Variants in EPHX2 observed in about 807,000 individuals in gnomAD.
The protein encoded by EPHX2 is epoxide hydrolase 2.
In EPHX2, 74 loss-of-function variants were observed where a neutral mutation model predicts 78.7. That is an observed-to-expected ratio of 0.94 (90% CI 0.78 to 1.14). EPHX2 has a LOEUF of 1.14. Among genes scored for constraint, EPHX2 ranks in the 50% most tolerant of loss-of-function variants. The probability of loss-of-function intolerance (pLI) is 0.00; values close to 1 mark genes in which losing one functional copy is unlikely to be tolerated. For synonymous variants in EPHX2, 251 were observed against 255.2 expected (o/e 0.98, Z 0.16); for missense variants, 715 against 702.5 (o/e 1.02, Z -0.20).
At chr8:27,544,072 G>T in intron 17 of EPHX2, 114 bp from the exon 18 acceptor site, 1 of 1,254,944 alleles carries the variant, frequency 8.0e-7, no homozygotes, top group South Asian at 1.3e-5. Context: ...TGCAGGGTTT[G>T]GGCAGGGTGG....
chr8:27,522,380 A>G, intron 10 of EPHX2, 43 bp from the exon 11 acceptor site: 1 of 1,603,908 alleles, frequency 6.2e-7, no homozygotes, highest in Non-Finnish European at 8.5e-7. Flanking sequence ...ACCCCGTTCC[A>G]GAAGCCTCCC....
At chr8:27,546,056 GC>G (rs1489104298), downstream of EPHX2, among the ~76,000 whole-genome samples, 2 of 150,654 alleles carry the variant, frequency 1.3e-5, no homozygotes, top group Non-Finnish European at 2.9e-5. Flanking sequence ...CTAAGGCTGA[GC>G]TTTTTCTACA....
chr8:27,527,796 A>G (rs960556486), intron 12 of EPHX2, among the ~76,000 whole-genome samples: 7 of 152,152 alleles, frequency 4.6e-5, no homozygotes, highest in Non-Finnish European at 8.8e-5. Flanking sequence ...TCATCTGTCA[A>G]TGGGTTACAG....
chr8:27,495,186 G>A (rs761547049), intron 1 of EPHX2, among the ~76,000 whole-genome samples: 10 of 152,220 alleles, frequency 6.6e-5, no homozygotes, highest in Non-Finnish European at 1.5e-4. Context: ...TTTCCATATT[G>A]CAGCATTGGG....
intron 3 of EPHX2, among the ~76,000 whole-genome samples, chr8:27,504,049 C>T (rs1813903442): frequency 6.6e-6 from 1 of 152,196 alleles, no homozygotes; most frequent in Non-Finnish European, 1.5e-5. Flanking sequence ...ACCCAAATGA[C>T]ATGATCTTTT....
In EPHX2 at chr8:27,525,354, T is replaced by A; in HGVS notation, c.1059-8T>A. ...GGGGCTATGTCTTGCTGCCTCTTAT[T>A]TCTGTAGGGCGGTGGCCAGTTTGAA... On this transcript the variant is annotated splice_polypyrimidine_tract_variant and splice_region_variant and intron_variant, in intron 11 of 18. Coordinates refer to ENST00000521400, the MANE Select transcript of EPHX2 (RefSeq NM_001979.6). 6.2e-7 allele frequency: 1 copy of A among 1,613,630 alleles called. No individual in the cohort carries two copies. Among genetic ancestry groups the A allele is most frequent in the Non-Finnish European group, 8.5e-7 (1 of 1,179,572 alleles).
intron 12 of EPHX2, 49 bp downstream of exon 12, chr8:27,525,522 C>A: frequency 6.9e-7 from 1 of 1,441,964 alleles, no homozygotes; most frequent in Non-Finnish European, 9.8e-7. Context: ...GTTTGCCTTT[C>A]CCCTTCCTGT....
chr8:27,528,500 C>T (rs1270193882), intron 12 of EPHX2, among the ~76,000 whole-genome samples: 2 of 152,288 alleles, frequency 1.3e-5, no homozygotes, highest in Admixed American at 1.3e-4. Flanking sequence ...CCTCAGTTTC[C>T]TCATCTGCAA....
chr8:27,544,263 C>A lies in EPHX2; in HGVS notation c.1589+19C>A. 1 of 1,614,054 alleles carries A rather than the reference C, an allele frequency of 6.2e-7. No individual in the cohort carries two copies. The highest frequency in any genetic ancestry group is 8.5e-7 in the Non-Finnish European group (1 of 1,179,940). Reference sequence around the variant, plus strand: ...TGGACAAGTAAGGAGGTTGGGGGCTCCTGGGGTCGGGGAGAGCAGGGCCCC... The same window carrying A: ...TGGACAAGTAAGGAGGTTGGGGGCTACTGGGGTCGGGGAGAGCAGGGCCCC... On this transcript the variant is annotated intron_variant, in intron 18 of 18. Transcript: ENST00000521400.
intron 1 of EPHX2, chr8:27,492,739 G>C (rs6995058): frequency 6.0e-6 from 1 of 167,278 alleles, no homozygotes; most frequent in Non-Finnish European, 1.2e-5. Flanking sequence ...AATCCTCCCC[G>C]TGATTGGCTA....
Position 27,515,812 on chromosome 8 carries a change from A to G in EPHX2, c.830A>G (p.Gln277Arg). Residue 277 changes from glutamine to arginine, a missense_variant and splice_region_variant, in exon 7 of 19, where the codon CAG becomes CGG. By Grantham distance (43) the Gln-to-Arg change is conservative (BLOSUM62 1). Coordinates refer to ENST00000521400, the MANE Select transcript of EPHX2 (RefSeq NM_001979.6). ...FPESWYSWRY[Q>R]IPALAQAGYR... ...GAGAGTTGGTATTCTTGGAGGTACC[A>G]GGTGAGAAAGCTGGGGAAGATGCAG... is the stretch of plus-strand genomic sequence containing the variant. 2.5e-6 allele frequency: 4 copies of G among 1,613,744 alleles called. No individual in the cohort carries two copies. The highest frequency in any genetic ancestry group is 3.4e-6 in the Non-Finnish European group (4 of 1,179,820).
In EPHX2 at chr8:27,505,588, C is replaced by T. The variant is rs188740613; in HGVS notation, c.537+442C>T. Among the ~76,000 whole-genome samples, 33 of 152,336 alleles carry T rather than the reference C, an allele frequency of 2.2e-4. 1 individual carries two copies. The highest frequency in any genetic ancestry group is 5.5e-4 in the African/African-American group (23 of 41,572). On this transcript the variant is annotated intron_variant, in intron 4 of 18. Transcript: ENST00000521400. Reference sequence around the variant, plus strand: ...TCCAGAGATCACCTGTCCTAAAGCTCTTTTCTCTTTGTGTGTCTCTACTTT... The same window carrying T: ...TCCAGAGATCACCTGTCCTAAAGCTTTTTTCTCTTTGTGTGTCTCTACTTT...
intron 12 of EPHX2, among the ~76,000 whole-genome samples, chr8:27,536,150 A>G (rs1815203576): frequency 6.6e-6 from 1 of 152,206 alleles, no homozygotes; most frequent in Admixed American, 6.5e-5. Context: ...CCAGCTCTTT[A>G]ACAGTGGAAA....
intron 5 of EPHX2, among the ~76,000 whole-genome samples, chr8:27,507,288 T>A (rs1318677997): frequency 6.6e-6 from 1 of 152,208 alleles, no homozygotes; most frequent in East Asian, 1.9e-4. Flanking sequence ...ACCTCACTTT[T>A]GAGAGTAAGT....
intron 15 of EPHX2, 45 bp downstream of exon 15, chr8:27,540,701 A>G (rs746428294): frequency 6.3e-7 from 1 of 1,576,534 alleles, no homozygotes; most frequent in Non-Finnish European, 8.7e-7. Context: ...GATGATCGAC[A>G]GATAGGGATC....
rs367892722 is a variant in EPHX2, at chr8:27,491,202, C to T, written c.-7C>T. 2.0e-5 allele frequency: 32 copies of T among 1,575,296 alleles called. No homozygotes were observed. Among genetic ancestry groups the T allele is most frequent in the South Asian group, 4.6e-5 (4 of 87,828 alleles). On this transcript the variant is annotated 5_prime_UTR_variant, in exon 1 of 19. Coordinates refer to ENST00000521400, the MANE Select transcript of EPHX2 (RefSeq NM_001979.6). ...GTGTCCGGGTGCTAGGCTGCAGACC[C>T]GCCGCCATGACGCTGCGCGCGGCCG...
At chr8:27,510,867 T>C (rs1462404829) in intron 5 of EPHX2, among the ~76,000 whole-genome samples, 1 of 151,992 alleles carries the variant, frequency 6.6e-6, no homozygotes, top group Non-Finnish European at 1.5e-5. Flanking sequence ...GAGGATCCCT[T>C]GAGCCAAGGA....
rs1302517769 is a variant in EPHX2, at chr8:27,511,769, A to G, written c.661-67A>G. On this transcript the variant is annotated intron_variant, in intron 5 of 18. Coordinates refer to ENST00000521400, the MANE Select transcript of EPHX2 (RefSeq NM_001979.6). ...TTCCAAGGCCTCCCCTGGCACCAGT[A>G]TTCAGGAGAGCCTCTCACGGAAGGA... is the stretch of plus-strand genomic sequence containing the variant. The G allele has an allele frequency of 4.6e-6, 7 of 1,524,560 alleles. No individual in the cohort carries two copies. The East Asian group carries it at 6.8e-5, about 15-fold the overall frequency. The allele number at this position is 1,524,560 out of a possible 1,614,324, so 94.4% of individuals were successfully genotyped here.
intron 5 of EPHX2, among the ~76,000 whole-genome samples, chr8:27,509,913 C>T (rs146318684): frequency 1.8e-4 from 28 of 152,226 alleles, no homozygotes; most frequent in African/African-American, 6.7e-4. Flanking sequence ...CAAGGGCATC[C>T]CCTGGTGTAT....
Sources: allele counts gnomAD v4.1 joint callset (sites outside exome capture counted in the v4.1 genomes callset), GRCh38; gene constraint gnomAD v4.1.1; transcripts MANE v1.5; gene names NCBI Gene and HGNC (gene_info 2026-07-23, HGNC 2026-07-21).